BTD: variants seen among roughly 807,000 people sequenced by gnomAD.
BTD encodes the protein biocytinase.
Under a neutral mutation model 17.7 loss-of-function variants are expected in BTD, and 13 were observed. The ratio of observed to expected loss-of-function variants is 0.74; its 90% CI spans 0.48 to 1.17. The LOEUF is 1.17. Among genes scored for constraint, BTD ranks in the 50% most tolerant of loss-of-function variants. BTD has a pLI of 0.00. For missense variants in BTD, 674 were observed against 650.4 expected, an observed-to-expected ratio of 1.04 and a Z score of -0.39; for synonymous variants, 240 against 245.2, an observed-to-expected ratio of 0.98 and a Z score of 0.20.
At chr3:15,695,160 T>C (rs761786533) in intron 3 of BTD, 1 of 1,571,318 alleles carries the variant, frequency 6.4e-7, no homozygotes, top group Non-Finnish European at 8.7e-7. Flanking sequence ...CAATACTAAT[T>C]GGTGGGAGGG....
chr3:15,602,024 G>T, intron 1 of BTD, 130 bp downstream of exon 1: 3 of 1,498,018 alleles, frequency 2.0e-6, no homozygotes, highest in Non-Finnish European at 2.7e-6. Context: ...AGCCCGGCGC[G>T]CGTCGTTTGC....
exon 5 of BTD, among the ~76,000 whole-genome samples, chr3:15,722,226 T>C (rs1425596382): frequency 1.3e-5 from 2 of 152,172 alleles, no homozygotes; most frequent in African/African-American, 4.8e-5. Flanking sequence ...CCAGGTATCA[T>C]GTATTTGGAG....
chr3:15,696,277 C>G, intron 3 of BTD: 1 of 1,381,716 alleles, frequency 7.2e-7, no homozygotes, highest in Non-Finnish European at 1.0e-6. Context: ...TACTGAAAAT[C>G]CTAAATCCTG....
rs776901788 is a variant in BTD at position 15,670,237 on chromosome 3, CT to C, written c.399+28183del. The C allele has an allele frequency of 1.9e-5, 30 of 1,602,106 alleles. No individual in the cohort carries two copies. In the African/African-American group the frequency reaches 3.5e-4, roughly 19 times the overall value. On this transcript the variant is annotated intron_variant, in intron 3 of 3. Transcript: ENST00000672141. ...TTTCCTGAAAAAGCACAGTTTGAAG[CT>C]TTACTGTGAGAACTCCCTCCTCCTC...
At chr3:15,673,538 T>C (rs530396705) in intron 3 of BTD, among the ~76,000 whole-genome samples, 11 of 152,334 alleles carry the variant, frequency 7.2e-5, no homozygotes, top group Non-Finnish European at 1.0e-4. Context: ...GTACATTATA[T>C]ACAATATGTT....
At chr3:15,664,059 G>A (rs2065953145) in intron 3 of BTD, among the ~76,000 whole-genome samples, 1 of 152,140 alleles carries the variant, frequency 6.6e-6, no homozygotes, top group African/African-American at 2.4e-5. Flanking sequence ...CTGCCACCAT[G>A]CCTGGCTAAT....
intron 3 of BTD, chr3:15,684,325 G>A (rs1481211480): frequency 3.3e-5 from 5 of 152,096 alleles, no homozygotes; most frequent in Non-Finnish European, 7.3e-5. Context: ...ACCTATAAAA[G>A]CGATGACTGT....
chr3:15,695,540 A>T (rs1218474728), intron 3 of BTD, among the ~76,000 whole-genome samples: 1 of 152,160 alleles, frequency 6.6e-6, no homozygotes, highest in African/African-American at 2.4e-5. Context: ...GAAGGGAAGC[A>T]AAGTTTAATG....
At chr3:15,684,588 GA>G (rs1352307504) in intron 3 of BTD, 1 of 151,896 alleles carries the variant, frequency 6.6e-6, no homozygotes, top group African/African-American at 2.4e-5. Flanking sequence ...ATTGTATTTA[GA>G]AAGTAAAAGA....
chr3:15,608,744 G>A (rs1185978620), intron 1 of BTD, among the ~76,000 whole-genome samples: 1 of 147,428 alleles, frequency 6.8e-6, no homozygotes, highest in Non-Finnish European at 1.5e-5. Context: ...CCAGCCTGGC[G>A]ACAGAGCGAG....
At chr3:15,617,501 T>G (rs1389698565) in intron 1 of BTD, among the ~76,000 whole-genome samples, 1 of 152,202 alleles carries the variant, frequency 6.6e-6, no homozygotes, top group Non-Finnish European at 1.5e-5. Context: ...GGTGTCCATT[T>G]GTTCCAGCAC....
intron 3 of BTD, among the ~76,000 whole-genome samples, chr3:15,692,589 C>A (rs2455812): frequency 2.0e-5 from 3 of 152,042 alleles, no homozygotes; most frequent in Admixed American, 6.5e-5. Flanking sequence ...TCCAGTATGA[C>A]TAAAATTAGG....
In BTD at chr3:15,691,476, T is replaced by C. The variant is rs548664094; in HGVS notation, c.400-18584T>C. On this transcript the variant is annotated intron_variant, in intron 3 of 3. Transcript: ENST00000672141. ...AAAAGGGCTTTCCAGAAAAGTCTTTTCAAAATCCAACATGGCAACTGAACA... is the reference window on the plus strand; with the variant it reads ...AAAAGGGCTTTCCAGAAAAGTCTTTCCAAAATCCAACATGGCAACTGAACA... Among the ~76,000 whole-genome samples the C allele has an allele frequency of 1.1e-3, 173 of 152,304 alleles. 1 individual carries two copies. Among genetic ancestry groups the C allele is most frequent in the Middle Eastern group, 3.4e-3 (1 of 294 alleles).
chr3:15,659,141 G>A (rs545226072), intron 3 of BTD, among the ~76,000 whole-genome samples: 1 of 152,268 alleles, frequency 6.6e-6, no homozygotes, highest in South Asian at 2.1e-4. Flanking sequence ...GGCATCTCCA[G>A]GGCTCTATGG....
At chr3:15,610,200 C>T (rs2064575134) in intron 1 of BTD, among the ~76,000 whole-genome samples, 1 of 152,218 alleles carries the variant, frequency 6.6e-6, no homozygotes, top group African/African-American at 2.4e-5. Flanking sequence ...AACTGAGTCA[C>T]TCAGCCCCTG....
At chr3:15,624,227 C>A (rs1234260390) in intron 1 of BTD, among the ~76,000 whole-genome samples, 1 of 151,932 alleles carries the variant, frequency 6.6e-6, no homozygotes, top group African/African-American at 2.4e-5. Context: ...TGGCAGTTAA[C>A]CTGATTGGTG....
chr3:15,672,347 C>G (rs998946544), intron 3 of BTD, among the ~76,000 whole-genome samples: 6 of 151,804 alleles, frequency 4.0e-5, no homozygotes, highest in Non-Finnish European at 8.8e-5. Flanking sequence ...TCGCTTTGTT[C>G]CCCAGGCTGG....
At chr3:15,688,860 T>C (rs1174387209) in intron 3 of BTD, among the ~76,000 whole-genome samples, 1 of 152,238 alleles carries the variant, frequency 6.6e-6, no homozygotes, top group East Asian at 1.9e-4. Flanking sequence ...AAGTGCTCTG[T>C]AAAGCCTGTC....
chr3:15,670,326 C>T (rs764941683), intron 3 of BTD: 2 of 1,613,808 alleles, frequency 1.2e-6, no homozygotes, highest in Non-Finnish European at 1.7e-6. Context: ...TATAAGTACT[C>T]CTGTTCCCCT....
Sources: gnomAD v4.1 joint callset for allele counts (sites outside exome capture counted in the v4.1 genomes callset) on GRCh38, gnomAD v4.1.1 for gene constraint, MANE v1.5 for transcripts, NCBI Gene and HGNC (gene_info 2026-07-23, HGNC 2026-07-21) for gene names.